SPIDR: variants seen among roughly 807,000 people sequenced by gnomAD.
SPIDR encodes the protein scaffold protein involved in DNA repair, also known as DNA repair-scaffolding protein.
SPIDR carries 93 observed loss-of-function variants against 104.6 expected under a neutral mutation model. That is an observed-to-expected ratio of 0.89 (90% CI 0.75 to 1.06). The LOEUF is 1.06. Ranked by LOEUF, SPIDR falls within the 50% of genes least tolerant of loss-of-function variation. The pLI, the probability that SPIDR is intolerant of heterozygous loss-of-function variation, is 0.00. For synonymous variants in SPIDR, 431 were observed against 416.9 expected, an observed-to-expected ratio of 1.03 and a Z score of -0.41; for missense variants, 1,154 against 1,111.2, an observed-to-expected ratio of 1.04 and a Z score of -0.55.
intron 14 of SPIDR, among the ~76,000 whole-genome samples, chr8:47,707,471 C>G (rs1484283090): frequency 6.6e-6 from 1 of 152,056 alleles, no homozygotes; most frequent in East Asian, 1.9e-4. Context: ...AAAGTTATTT[C>G]TATTTTTTAA....
intron 10 of SPIDR, among the ~76,000 whole-genome samples, chr8:47,620,963 T>G (rs891886553): frequency 6.6e-6 from 1 of 151,034 alleles, no homozygotes; most frequent in African/African-American, 2.4e-5. Flanking sequence ...TGGGTTTTTG[T>G]TTTTGTTTTT....
chr8:47,295,033 T>G (rs1196792706), intron 5 of SPIDR, among the ~76,000 whole-genome samples: 1 of 152,218 alleles, frequency 6.6e-6, no homozygotes, highest in Non-Finnish European at 1.5e-5. Flanking sequence ...TTTCTGTTGC[T>G]ACATCTTCTA....
intron 5 of SPIDR, among the ~76,000 whole-genome samples, chr8:47,304,243 T>C (rs1431794311): frequency 6.6e-6 from 1 of 152,158 alleles, no homozygotes; most frequent in Non-Finnish European, 1.5e-5. Context: ...GTAATTTCCA[T>C]TGTTGGAAAT....
chr8:47,343,654 G>A (rs1346265281), intron 5 of SPIDR, among the ~76,000 whole-genome samples: 1 of 152,152 alleles, frequency 6.6e-6, no homozygotes, highest in Admixed American at 6.5e-5. Flanking sequence ...CGTGACATGG[G>A]TTTTATACTC....
At chr8:47,672,163 A>T (rs1023933426) in intron 10 of SPIDR, among the ~76,000 whole-genome samples, 1 of 152,128 alleles carries the variant, frequency 6.6e-6, no homozygotes, top group Non-Finnish European at 1.5e-5. Flanking sequence ...ATCTCAATAC[A>T]TTGTCCAGGC....
chr8:47,385,074 T>C (rs1767035230), intron 5 of SPIDR, among the ~76,000 whole-genome samples: 1 of 152,112 alleles, frequency 6.6e-6, no homozygotes, highest in Non-Finnish European at 1.5e-5. Flanking sequence ...ATTTTAAATA[T>C]TTTTAAATAA....
intron 1 of SPIDR, among the ~76,000 whole-genome samples, chr8:47,266,463 T>G (rs2034072695): frequency 6.6e-6 from 1 of 152,192 alleles, no homozygotes; most frequent in South Asian, 2.1e-4. Flanking sequence ...AATTGCTGAG[T>G]AGTGTTCCAT....
intron 8 of SPIDR, among the ~76,000 whole-genome samples, chr8:47,513,839 G>T (rs1453865031): frequency 6.6e-6 from 1 of 152,170 alleles, no homozygotes; most frequent in South Asian, 2.1e-4. Flanking sequence ...TAGGGTTAGA[G>T]GTGTGTCTAA....
Position 47,273,165 on chromosome 8 carries a change from C to T in SPIDR, c.34-6697C>T, listed in dbSNP as rs960980707. On this transcript the variant is annotated intron_variant, in intron 1 of 19. Transcript: ENST00000297423. ...CACGCAGGTTCAGGGCTCAGTCCCA[C>T]GAGACTGGCCCCACTTCAGAGGTCA... Among the ~76,000 whole-genome samples, 416 of 152,284 alleles carry T rather than the reference C, an allele frequency of 2.7e-3. 1 individual carries two copies. Among genetic ancestry groups the T allele is most frequent in the African/African-American group, 6.7e-3 (278 of 41,560 alleles).
intron 8 of SPIDR, among the ~76,000 whole-genome samples, chr8:47,490,653 A>C (rs2078537507): frequency 6.6e-6 from 1 of 152,244 alleles, no homozygotes; most frequent in Admixed American, 6.5e-5. Context: ...ACACCATGGA[A>C]TACTATGTAG....
Position 47,729,324 on chromosome 8 carries a change from A to G in SPIDR, c.2551-88A>G, listed in dbSNP as rs540036207. 541 of 1,519,570 alleles carry G rather than the reference A, an allele frequency of 3.6e-4. 4 individuals are homozygous for G. The South Asian group carries it at 6.3e-3, about 18-fold the overall frequency. The allele number at this position is 1,519,570 out of a possible 1,614,324, so 94.1% of individuals were successfully genotyped here. On this transcript the variant is annotated intron_variant, in intron 18 of 19. Transcript: ENST00000297423. ...TCTGAAGACAGGTGGTTTGGATATA[A>G]CATGTTAATTTTCGGGAATGAGTGA... is the stretch of plus-strand genomic sequence containing the variant.
intron 5 of SPIDR, among the ~76,000 whole-genome samples, chr8:47,310,333 CA>C (rs1166703089): frequency 0.042 from 2,317 of 54,874 alleles, 37 homozygotes; most frequent in African/African-American, 0.12. Flanking sequence ...GACTCCATCT[CA>C]AAAAAAAAAA....
intron 8 of SPIDR, chr8:47,510,928 C>G (rs192035039): frequency 1.2e-4 from 65 of 564,038 alleles, no homozygotes; most frequent in African/African-American, 1.1e-3. Context: ...AGATGTCACA[C>G]TGGACTACTG....
chr8:47,360,953 A>G lies in SPIDR; in HGVS notation c.526-35423A>G, dbSNP rs573215484. The G allele has an allele frequency of 2.2e-5, 22 of 985,220 alleles. No individual in the cohort carries two copies. The African/African-American group carries it at 3.8e-4, about 17-fold the overall frequency. The allele number at this position is 985,220 out of a possible 1,614,324, so 61.0% of individuals were successfully genotyped here. On this transcript the variant is annotated intron_variant, in intron 5 of 19. Transcript: ENST00000297423. ...ACCAGTACTTCTGGAGTGTATGGTG[A>G]GCATTCACATATTATTTCACACTTT...
chr8:47,569,502 T>G (rs924054989), intron 8 of SPIDR, among the ~76,000 whole-genome samples: 1 of 152,190 alleles, frequency 6.6e-6, no homozygotes, highest in Non-Finnish European at 1.5e-5. Flanking sequence ...CAGGATAGAT[T>G]ATTTGTTAAA....
At chr8:47,413,179 G>A (rs1023135965) in intron 7 of SPIDR, among the ~76,000 whole-genome samples, 2 of 152,194 alleles carry the variant, frequency 1.3e-5, no homozygotes, top group South Asian at 2.1e-4. Flanking sequence ...GGCTACTGGC[G>A]GCCTAAAAGG....
intron 8 of SPIDR, among the ~76,000 whole-genome samples, chr8:47,443,921 A>G (rs2070009194): frequency 1.3e-5 from 2 of 152,250 alleles, no homozygotes; most frequent in Middle Eastern, 6.8e-3. Context: ...GTGAGGTGTA[A>G]TGCAGCTTTG....
intron 5 of SPIDR, among the ~76,000 whole-genome samples, chr8:47,322,554 G>C (rs1554596852): frequency 6.6e-6 from 1 of 152,160 alleles, no homozygotes; most frequent in Non-Finnish European, 1.5e-5. Context: ...TCTAGAACTA[G>C]AAATACCATT....
At chr8:47,330,965 C>T (rs2048562271) in intron 5 of SPIDR, 1 of 338,350 alleles carries the variant, frequency 3.0e-6, no homozygotes, top group South Asian at 2.3e-5. Context: ...ATTTTGCATT[C>T]CCACCAGCAA....
Sources: gnomAD v4.1 joint callset for allele counts (sites outside exome capture counted in the v4.1 genomes callset) on GRCh38, gnomAD v4.1.1 for gene constraint, MANE v1.5 for transcripts, NCBI Gene and HGNC (gene_info 2026-07-23, HGNC 2026-07-21) for gene names.